The following PPRC1 variants were observed in gnomAD, a reference collection of about 807,000 sequenced individuals.
PPRC1 encodes the protein PPARG related coactivator 1.
PPRC1 carries 23 observed loss-of-function variants against 132.5 expected under a neutral mutation model. The observed-to-expected ratio is 0.17, with a 90% CI of 0.12 to 0.25. The LOEUF (loss-of-function observed/expected upper bound fraction) is 0.25, where lower values mean the gene tolerates loss of function less well. PPRC1 is among the 10% of genes least tolerant of loss of function. The probability of loss-of-function intolerance (pLI) is 1.00; values close to 1 mark genes in which losing one functional copy is unlikely to be tolerated. For missense variants in PPRC1, 2,006 were observed against 2,089.1 expected (o/e 0.96, Z 0.78); for synonymous variants, 872 against 833.5 (o/e 1.05, Z -0.80).
chr10:102,121,375 C>T, the PPRC1 span, among the ~76,000 whole-genome samples: 1 of 152,148 alleles, frequency 6.6e-6, no homozygotes, highest in East Asian at 1.9e-4. Flanking sequence ...GAAACAGGCC[C>T]CTCCAGTGCC....
intron 6 of PPRC1, 84 bp downstream of exon 6, chr10:102,143,182 G>C (rs2069072768): frequency 1.5e-6 from 2 of 1,324,234 alleles, no homozygotes; most frequent in Non-Finnish European, 2.2e-6. Flanking sequence ...TTAAACTAGG[G>C]TGAGAGGGGA....
intron 1 of PPRC1, 92 bp from the exon 2 acceptor site, chr10:102,137,758 G>A: frequency 8.2e-7 from 1 of 1,226,992 alleles, no homozygotes. Flanking sequence ...TGCTGAGTTT[G>A]GCCCCAGCAG....
rs1200646645 is a variant in PPRC1, at chr10:102,140,809, A to G, written c.2301A>G (p.Thr767=). The G allele has an allele frequency of 1.2e-6, 2 of 1,613,186 alleles. No individual in the cohort carries two copies. The highest frequency in any genetic ancestry group is 4.5e-5 in the East Asian group (2 of 44,794). The change falls in exon 5 of 14, where the codon ACA becomes ACG. Residue 767 remains threonine, a synonymous_variant. Transcript: ENST00000278070. Reference sequence around the variant, plus strand: ...GAAGGCAGCAACGCCAAGCAGAAACAGAAGAGAGAAGTCCACAGCCCCCAA... The same window carrying G: ...GAAGGCAGCAACGCCAAGCAGAAACGGAAGAGAGAAGTCCACAGCCCCCAA... The part of the protein sequence containing the change: ...RRRRQQRQAE[T]EERSPQPPTG...
At position 102,147,176 on chromosome 10, in the gene PPRC1, C is replaced by G; in HGVS notation, c.4184C>G (p.Pro1395Arg). The change falls in exon 9 of 14, where the codon CCC becomes CGC. Residue 1395 changes from proline to arginine, a missense_variant. By Grantham distance (103) the Pro-to-Arg change is moderately radical. Around this residue, in one of 2 missense-constraint regions of PPRC1, gnomAD observed 1,914 missense variants for 1,917.2 expected, o/e 1.00. Coordinates refer to ENST00000278070, the MANE Select transcript of PPRC1 (RefSeq NM_015062.5). ...NDMNTRTPPE[P>R]SAKQRSMRCY... The stretch of plus-strand genomic sequence containing the variant: ...ATGAACACTAGGACTCCCCCTGAAC[C>G]CTCAGCCAAGCAGCGGTCAATGCGC... 1 of 1,614,140 alleles carries G rather than the reference C, an allele frequency of 6.2e-7. No individual in the cohort carries two copies.
At chr10:102,136,404 A>G (rs972575647) in intron 1 of PPRC1, among the ~76,000 whole-genome samples, 67 of 152,044 alleles carry the variant, frequency 4.4e-4, no homozygotes, top group Admixed American at 3.0e-3. Context: ...GAGGAAAGGG[A>G]AGGTCTGGCC....
Position 102,139,678 on chromosome 10 carries a change from T to A in PPRC1, c.1170T>A (p.Leu390=). The part of the protein sequence containing the change: ...SLETSSALQL[L]MPTLESETEA... The stretch of plus-strand genomic sequence containing the variant: ...AGACTAGTTCTGCCTTGCAGCTGCT[T>A]ATGCCTACACTGGAGTCAGAGACAG... The change falls in exon 5 of 14, where the codon CTT becomes CTA. Residue 390 remains leucine (L), a synonymous_variant. Transcript: ENST00000278070. 1 of 1,614,100 alleles carries A rather than the reference T, an allele frequency of 6.2e-7. No individual in the cohort carries two copies.
rs1031834056 is a variant in PPRC1, at chr10:102,133,112, C to T, written c.44C>T (p.Pro15Leu). The T allele has an allele frequency of 1.8e-5, 22 of 1,245,800 alleles. No homozygotes were observed. The highest frequency in any genetic ancestry group is 8.1e-6 in the Non-Finnish European group (8 of 988,772). 77.2% of individuals were successfully genotyped at this position (1,245,800 alleles called of 1,614,324 possible). ...RGRRDGVAPP[P>L]SGGPGPDPGG... Reference sequence around the variant, plus strand: ...CGGAGAGACGGAGTCGCGCCGCCCCCGAGTGGGGGCCCCGGTCCGGACCCT... The same window carrying T: ...CGGAGAGACGGAGTCGCGCCGCCCCTGAGTGGGGGCCCCGGTCCGGACCCT... The change falls in exon 1 of 14, where the codon CCG becomes CTG. Residue 15 changes from proline to leucine, a missense_variant. By Grantham distance (98) the Pro-to-Leu change is moderately conservative. Around this residue, in one of 2 missense-constraint regions of PPRC1, gnomAD observed 1,914 missense variants for 1,917.2 expected, o/e 1.00. Coordinates refer to ENST00000278070, the MANE Select transcript of PPRC1 (RefSeq NM_015062.5).
intron 7 of PPRC1, 68 bp downstream of exon 7, chr10:102,144,375 T>C (rs925284623): frequency 1.4e-6 from 2 of 1,467,692 alleles, no homozygotes; most frequent in East Asian, 2.3e-5. Flanking sequence ...ACTCCAGGAC[T>C]GTCAACTGGA....
At chr10:102,130,204 C>G (rs1405088063), upstream of PPRC1, among the ~76,000 whole-genome samples, 4 of 149,546 alleles carry the variant, frequency 2.7e-5, no homozygotes, top group Admixed American at 6.6e-5. Flanking sequence ...ATCACGAGAT[C>G]AGGAAATCGA....
rs765453916 is a variant in PPRC1, at chr10:102,147,216, C to T, written c.4224C>T (p.Ala1408=). The stretch of plus-strand genomic sequence containing the variant: ...GGTCAATGCGCTGTTACCGAAAAGC[C>T]TGCAGGTCAGCCAGCCCCTCAAGCC... The part of the protein sequence containing the change: ...KQRSMRCYRK[A]CRSASPSSQG... Residue 1408 remains alanine (A), a synonymous_variant, in exon 9 of 14, where the codon GCC becomes GCT. Transcript: ENST00000278070. The T allele has an allele frequency of 3.1e-6, 5 of 1,613,566 alleles. No individual in the cohort carries two copies. The highest frequency in any genetic ancestry group is 3.4e-6 in the Non-Finnish European group (4 of 1,180,044).
chr10:102,149,092 A>G, intron 12 of PPRC1, 86 bp from the exon 13 acceptor site: 1 of 1,519,938 alleles, frequency 6.6e-7, no homozygotes. Context: ...GAGAAGAACC[A>G]CCTCTGTACC....
intron 8 of PPRC1, among the ~76,000 whole-genome samples, chr10:102,146,116 A>G (rs974528461): frequency 1.7e-4 from 26 of 152,188 alleles, no homozygotes; most frequent in Non-Finnish European, 3.2e-4. Context: ...GTAGCTGATC[A>G]GGGCAGTGGG....
chr10:102,142,894 C>G, intron 5 of PPRC1, 151 bp from the exon 6 acceptor site: 1 of 607,228 alleles, frequency 1.6e-6, no homozygotes, highest in Admixed American at 3.1e-5. Flanking sequence ...TGGTTTGAAT[C>G]CTTCATGCTT....
At chr10:102,130,277 C>A (rs569187503), upstream of PPRC1, among the ~76,000 whole-genome samples, 1 of 151,842 alleles carries the variant, frequency 6.6e-6, no homozygotes, top group East Asian at 1.9e-4. Context: ...ATTAGCCAGG[C>A]GTGGTGGCAG....
Position 102,148,532 on chromosome 10 carries a change from G to C in PPRC1, c.4550+11G>C. 6.2e-7 allele frequency: 1 copy of C among 1,613,010 alleles called. No homozygotes were observed. Among genetic ancestry groups the C allele is most frequent in the Non-Finnish European group, 8.5e-7 (1 of 1,178,942 alleles). On this transcript the variant is annotated intron_variant, in intron 10 of 13. Transcript: ENST00000278070. This position sits in a 1 kb window ranked among gnomAD's most constrained non-coding sequence, Gnocchi z 4.2. ...TGACAGGAGGCGGCGGTGAGCATGT[G>C]TTCAGGGAGCGCCATGCACCTGGGA...
upstream of PPRC1, among the ~76,000 whole-genome samples, chr10:102,128,862 C>T: frequency 6.6e-6 from 1 of 150,450 alleles, no homozygotes; most frequent in East Asian, 2.0e-4. Flanking sequence ...GATCCGCCCG[C>T]CTCGGCCTCC....
At chr10:102,126,866 AC>A in the PPRC1 span, among the ~76,000 whole-genome samples, 99 of 151,850 alleles carry the variant, frequency 6.5e-4, no homozygotes, top group Middle Eastern at 3.4e-3. Flanking sequence ...ATCATCATCA[AC>A]ATCATTATTT....
At chr10:102,130,801 C>G (rs895297301), upstream of PPRC1, among the ~76,000 whole-genome samples, 2 of 152,082 alleles carry the variant, frequency 1.3e-5, no homozygotes, top group Non-Finnish European at 2.9e-5. Context: ...ACCTGTAATC[C>G]CAACACATTG....
chr10:102,131,667 T>C (rs548386830), upstream of PPRC1, among the ~76,000 whole-genome samples: 1 of 152,362 alleles, frequency 6.6e-6, no homozygotes, highest in African/African-American at 2.4e-5. Flanking sequence ...TTAAATATTA[T>C]TTATTTTTGA....
Sources: allele counts gnomAD v4.1 joint callset (sites outside exome capture counted in the v4.1 genomes callset), GRCh38; gene constraint gnomAD v4.1.1; regional missense constraint gnomAD v4.1.1; non-coding constraint Gnocchi (gnomAD v3.1); transcripts MANE v1.5; gene names NCBI Gene and HGNC (gene_info 2026-07-23, HGNC 2026-07-21).